CSMD3: variants seen among roughly 807,000 people sequenced by gnomAD.
CSMD3 encodes CUB and sushi domain-containing protein 3.
Under a neutral mutation model 435.2 loss-of-function variants are expected in CSMD3, and 177 were observed. The ratio of observed to expected loss-of-function variants is 0.41; its 90% CI spans 0.36 to 0.46. CSMD3 has a LOEUF of 0.46. Ranked by LOEUF, CSMD3 falls within the 20% of genes least tolerant of loss-of-function variation. The pLI is 0.34. For synonymous variants in CSMD3, 1,656 were observed against 1,520.5 expected (o/e 1.09, Z -2.07); for missense variants, 4,265 against 4,504.6 (o/e 0.95, Z 1.52).
At chr8:112,655,675 T>G (rs2075239910) in intron 18 of CSMD3, among the ~76,000 whole-genome samples, 1 of 152,010 alleles carries the variant, frequency 6.6e-6, no homozygotes. Context: ...TATATACAGT[T>G]TGCCTTTTAA....
chr8:113,082,170 A>G (rs750830893), intron 5 of CSMD3, among the ~76,000 whole-genome samples: 1 of 106,434 alleles, frequency 9.4e-6, no homozygotes, highest in East Asian at 4.6e-4. Flanking sequence ...TGCATGCCAA[A>G]CCCACCCTCT....
intron 5 of CSMD3, among the ~76,000 whole-genome samples, chr8:113,021,072 T>C (rs2086668200): frequency 6.6e-6 from 1 of 152,176 alleles, no homozygotes. Flanking sequence ...TTGGGATAAT[T>C]TTTATATATT....
chr8:112,516,892 A>G, intron 28 of CSMD3, 142 bp downstream of exon 28: 1 of 648,934 alleles, frequency 1.5e-6, no homozygotes, highest in South Asian at 1.9e-5. Context: ...ACAATTTTGT[A>G]CATTCTGCGG....
chr8:113,024,296 G>A (rs2086793506), intron 5 of CSMD3, among the ~76,000 whole-genome samples: 1 of 820 alleles, frequency 1.2e-3, no homozygotes, highest in South Asian at 0.071. Flanking sequence ...TATTGTGTGT[G>A]TGTGTGTGTG....
chr8:113,246,745 T>G (rs1232984673), intron 3 of CSMD3, among the ~76,000 whole-genome samples: 1 of 152,166 alleles, frequency 6.6e-6, no homozygotes, highest in Non-Finnish European at 1.5e-5. Context: ...CTGTTTGTTG[T>G]GGTGTTTGCC....
At chr8:112,925,652 A>G (rs746088730) in intron 9 of CSMD3, among the ~76,000 whole-genome samples, 1 of 152,064 alleles carries the variant, frequency 6.6e-6, no homozygotes, top group Non-Finnish European at 1.5e-5. Context: ...GTTAAGATGG[A>G]GCAGTAAGAG....
chr8:113,279,394 T>G (rs2093595792), intron 2 of CSMD3, among the ~76,000 whole-genome samples: 1 of 151,466 alleles, frequency 6.6e-6, no homozygotes, highest in South Asian at 2.1e-4. Flanking sequence ...CAATAAATAT[T>G]TGAACTATTA....
In CSMD3 at chr8:112,403,364, T is replaced by C. The variant is rs541092711; in HGVS notation, c.5809+3160A>G. Among the ~76,000 whole-genome samples the C allele has an allele frequency of 5.3e-5, 8 of 152,324 alleles. No individual in the cohort carries two copies. In the East Asian group the frequency reaches 1.5e-3, roughly 29 times the overall value. ...GTACATTCCAAAAGTAACAGTTCCA[T>C]AGATTTGTCAGAGGATTGCAACAAA... On this transcript the variant is annotated intron_variant, in intron 35 of 70. Transcript: ENST00000297405.
chr8:112,426,405 GA>G (rs1813076184), intron 32 of CSMD3, among the ~76,000 whole-genome samples: 1 of 152,106 alleles, frequency 6.6e-6, no homozygotes, highest in African/African-American at 2.4e-5. Context: ...AAGAAAAGCT[GA>G]AACAACTGAA....
At chr8:112,365,394 G>C (rs183108813) in intron 38 of CSMD3, among the ~76,000 whole-genome samples, 15 of 148,120 alleles carry the variant, frequency 1.0e-4, no homozygotes, top group Non-Finnish European at 1.2e-4. Context: ...GACACAAATT[G>C]AGAAATTTAT....
chr8:113,245,168 T>C (rs1321814001), intron 3 of CSMD3, among the ~76,000 whole-genome samples: 1 of 152,150 alleles, frequency 6.6e-6, no homozygotes, highest in Non-Finnish European at 1.5e-5. Flanking sequence ...GTGTCTCTTT[T>C]GGATGGTATA....
chr8:113,201,731 TA>T (rs1176132203), intron 3 of CSMD3, among the ~76,000 whole-genome samples: 1 of 151,990 alleles, frequency 6.6e-6, no homozygotes, highest in East Asian at 1.9e-4. Flanking sequence ...TGCTGATTTT[TA>T]AAAAAACCTT....
chr8:112,436,149 T>C lies in CSMD3; in HGVS notation c.5396-27117A>G, dbSNP rs1452583187. Among the ~76,000 whole-genome samples the C allele has an allele frequency of 2.0e-5, 3 of 151,896 alleles. No individual in the cohort carries two copies. The East Asian group carries it at 5.8e-4, about 29-fold the overall frequency. Reference sequence around the variant, plus strand: ...TCCCCAGAGAAGATTAGTTACAAAATTGAACTAGAACCTAAGAAATCTAAA... The same window carrying C: ...TCCCCAGAGAAGATTAGTTACAAAACTGAACTAGAACCTAAGAAATCTAAA... On this transcript the variant is annotated intron_variant, in intron 32 of 70. Coordinates refer to ENST00000297405, the MANE Select transcript of CSMD3 (RefSeq NM_198123.2).
chr8:112,589,397 T>C (rs2131362995), intron 22 of CSMD3, among the ~76,000 whole-genome samples: 1 of 152,270 alleles, frequency 6.6e-6, no homozygotes, highest in Non-Finnish European at 1.5e-5. Context: ...TTACCACCCA[T>C]AAGGAAAATT....
At chr8:112,934,000 T>C (rs947158107) in intron 9 of CSMD3, among the ~76,000 whole-genome samples, 4 of 152,080 alleles carry the variant, frequency 2.6e-5, no homozygotes, top group African/African-American at 7.2e-5. Context: ...CTGTAAACTC[T>C]TGAAGGGAAA....
chr8:113,336,779 G>C (rs1296448765), intron 1 of CSMD3, among the ~76,000 whole-genome samples: 1 of 152,042 alleles, frequency 6.6e-6, no homozygotes, highest in Non-Finnish European at 1.5e-5. Flanking sequence ...TATGAAGTGG[G>C]TATGAAAGTC....
chr8:112,415,456 C>T (rs994163747), intron 32 of CSMD3, among the ~76,000 whole-genome samples: 3 of 152,296 alleles, frequency 2.0e-5, no homozygotes, highest in African/African-American at 7.2e-5. Flanking sequence ...CAGAAGTTTG[C>T]TGCAGGGTGG....
chr8:112,349,787 A>G (rs955945788), intron 40 of CSMD3, among the ~76,000 whole-genome samples: 1 of 152,296 alleles, frequency 6.6e-6, no homozygotes, highest in Non-Finnish European at 1.5e-5. Context: ...TACTTTGCCA[A>G]TTAAACACAT....
At chr8:113,095,802 G>A (rs942425657) in intron 5 of CSMD3, among the ~76,000 whole-genome samples, 1 of 152,234 alleles carries the variant, frequency 6.6e-6, no homozygotes, top group South Asian at 2.1e-4. Context: ...ATGTGTGTAG[G>A]CTGTATGCAA....
Sources: allele counts gnomAD v4.1 joint callset (sites outside exome capture counted in the v4.1 genomes callset), GRCh38; gene constraint gnomAD v4.1.1; transcripts MANE v1.5; gene names NCBI Gene and HGNC (gene_info 2026-07-23, HGNC 2026-07-21).